Variants in KRT83 observed in about 807,000 individuals in gnomAD.
The protein encoded by KRT83 is keratin, type II cuticular Hb3.
Under a neutral mutation model 52.9 loss-of-function variants are expected in KRT83, and 51 were observed. The ratio of observed to expected loss-of-function variants is 0.96; its 90% CI spans 0.77 to 1.22. The LOEUF (loss-of-function observed/expected upper bound fraction) is 1.22. Among genes scored for constraint, KRT83 ranks in the 50% most tolerant of loss-of-function variants. The probability of loss-of-function intolerance (pLI) is 0.00; values close to 1 mark genes in which losing one functional copy is unlikely to be tolerated. For missense variants in KRT83, 654 were observed against 666.5 expected (o/e 0.98, Z 0.21); for synonymous variants, 278 against 274.1 (o/e 1.01, Z -0.14).
chr12:52,319,494 T>A (rs1938739452), intron 1 of KRT83, 130 bp from the exon 2 acceptor site: 3 of 1,337,362 alleles, frequency 2.2e-6, no homozygotes, highest in Non-Finnish European at 3.1e-6. Flanking sequence ...CGTTATGTCA[T>A]CTCTCTCAAA....
At chr12:52,318,083 C>A in intron 2 of KRT83, 113 bp from the exon 3 acceptor site, 2 of 968,508 alleles carry the variant, frequency 2.1e-6, no homozygotes, top group Non-Finnish European at 3.3e-6. Flanking sequence ...CTCCTGCCCC[C>A]AAGTGAAATG....
Position 52,321,285 on chromosome 12 carries a change from GAA to G in KRT83, c.49_50del (p.Phe17GlnfsTer138). Reference sequence around the variant, plus strand: ...GGGGCCCGCAGGCAGAGACACAGCTGAAGTTTCCAGGGCGGAACCCACAGCCT... The same window carrying G: ...GGGGCCCGCAGGCAGAGACACAGCTGGTTTCCAGGGCGGAACCCACAGCCT... ...SIGCGFRPGN[F>X]SCVSACGPRP... On this transcript the variant is annotated frameshift_variant, in exon 1 of 9. Coordinates refer to ENST00000293670, the MANE Select transcript of KRT83 (RefSeq NM_002282.3). LOFTEE classifies it high-confidence loss of function. 6.2e-7 allele frequency: 1 copy of G among 1,613,632 alleles called. No individual in the cohort carries two copies. The highest frequency in any genetic ancestry group is 8.5e-7 in the Non-Finnish European group (1 of 1,180,028).
chr12:52,317,675 C>T lies in KRT83; in HGVS notation c.750+6G>A. On this transcript the variant is annotated splice_donor_region_variant and intron_variant, in intron 4 of 8. Coordinates refer to ENST00000293670, the MANE Select transcript of KRT83 (RefSeq NM_002282.3). ...TCTGTGCCCACCATGGTTGAGAGCCCCTCACCTCCTCGTACAGCCGCCTCA... is the reference window on the plus strand; with the variant it reads ...TCTGTGCCCACCATGGTTGAGAGCCTCTCACCTCCTCGTACAGCCGCCTCA... The T allele has an allele frequency of 6.2e-7, 1 of 1,612,020 alleles. No homozygotes were observed. Among genetic ancestry groups the T allele is most frequent in the Non-Finnish European group, 8.5e-7 (1 of 1,179,802 alleles).
Position 52,321,013 on chromosome 12 carries a change from T to C in KRT83, c.323A>G (p.Lys108Arg), listed in dbSNP as rs763451943. ...LEIDPNAQCV[K>R]QEEKEQIKSL... ...CTTGATCTGCTCCTTCTCCTCCTGC[T>C]TCACGCACTGCGCGTTGGGGTCTAT... Residue 108 changes from lysine (K) to arginine (R), a missense_variant, in exon 1 of 9, where the codon AAG becomes AGG. Coordinates refer to ENST00000293670, the MANE Select transcript of KRT83 (RefSeq NM_002282.3). The C allele has an allele frequency of 6.2e-7, 1 of 1,613,484 alleles. No individual in the cohort carries two copies. The highest frequency in any genetic ancestry group is 8.5e-7 in the Non-Finnish European group (1 of 1,179,870).
intron 1 of KRT83, 65 bp downstream of exon 1, chr12:52,320,887 T>C (rs542814857): frequency 6.2e-7 from 1 of 1,613,368 alleles, no homozygotes; most frequent in East Asian, 2.2e-5. Flanking sequence ...TCCCTGTCAG[T>C]GCCCAGCCTG....
Position 52,314,804 on chromosome 12 carries a change from G to A in KRT83, c.1309C>T (p.Arg437Trp), listed in dbSNP as rs750982143. 2.7e-5 allele frequency: 43 copies of A among 1,605,542 alleles called. No homozygotes were observed. In the East Asian group the frequency reaches 2.9e-4, roughly 11 times the overall value. ...EAVNVCVSSS[R>W]GGVVCGDLCV... The stretch of plus-strand genomic sequence containing the variant: ...AGATCCCCGCACACAACCCCACCCC[G>A]GGAGCTGCTGACACCTGTGGGAACA... The change falls in exon 9 of 9, where the codon CGG becomes TGG. Residue 437 changes from arginine to tryptophan, a missense_variant. By Grantham distance (101) the Arg-to-Trp change is moderately radical. Transcript: ENST00000293670.
chr12:52,319,732 CCACACTGAACAGCTACTGCTGTTCAAT>C (rs1938742550), intron 1 of KRT83, among the ~76,000 whole-genome samples: 1 of 152,146 alleles, frequency 6.6e-6, no homozygotes, highest in South Asian at 2.1e-4. Context: ...GAAAGGCACC[CCACACTGAACAGCTACTGCTGTTCAAT>C]CACACCAAGC....
chr12:52,315,098 T>A (rs1938665826), intron 8 of KRT83, among the ~76,000 whole-genome samples: 1 of 152,178 alleles, frequency 6.6e-6, no homozygotes, highest in African/African-American at 2.4e-5. Flanking sequence ...CTTCTTGCAA[T>A]GACATCTTAT....
At chr12:52,317,336 T>G (rs1467975051) in intron 4 of KRT83, among the ~76,000 whole-genome samples, 13 of 152,180 alleles carry the variant, frequency 8.5e-5, no homozygotes, top group African/African-American at 3.1e-4. Flanking sequence ...AGGAAGGCTA[T>G]TGCTGCCAGA....
rs1350993256 is a variant in KRT83, at chr12:52,316,985, G to A, written c.789C>T (p.Ser263=). Residue 263 remains serine (S), a synonymous_variant, in exon 5 of 9, where the codon TCC becomes TCT. Transcript: ENST00000293670. ...RILQSHISDT[S]VVVKLDNSRD... is the part of the protein sequence containing the mutation. ...GGCTGTTGTCCAGCTTGACAACCAC[G>A]GAGGTGTCTGAGATGTGGGATTGGA... 8 of 1,614,086 alleles carry A rather than the reference G, an allele frequency of 5.0e-6. No homozygotes were observed. The highest frequency in any genetic ancestry group is 2.2e-5 in the East Asian group (1 of 44,890).
intron 4 of KRT83, 25 bp from the exon 5 acceptor site, chr12:52,317,048 A>T: frequency 6.2e-7 from 1 of 1,614,184 alleles, no homozygotes; most frequent in Non-Finnish European, 8.5e-7. Flanking sequence ...GAAAGGAAGG[A>T]CAACTCACTT....
At chr12:52,315,237 C>T (rs2121337125) in intron 8 of KRT83, 75 bp downstream of exon 8, 3 of 1,442,122 alleles carry the variant, frequency 2.1e-6, no homozygotes. Flanking sequence ...CTCCCAAAGT[C>T]TCTGCATATA....
intron 8 of KRT83, 65 bp downstream of exon 8, chr12:52,315,247 A>G: frequency 1.3e-6 from 2 of 1,489,612 alleles, no homozygotes; most frequent in East Asian, 2.3e-5. Context: ...CTCTGCATAT[A>G]TTCATAGTCA....
chr12:52,315,187 C>A (rs1938667067), intron 8 of KRT83, 125 bp downstream of exon 8: 4 of 1,047,824 alleles, frequency 3.8e-6, no homozygotes, highest in East Asian at 2.4e-5. Context: ...GCTGCATGAC[C>A]AACCTATCCT....
chr12:52,320,468 C>A (rs929188673), intron 1 of KRT83, among the ~76,000 whole-genome samples: 3 of 152,162 alleles, frequency 2.0e-5, no homozygotes, highest in Non-Finnish European at 2.9e-5. Context: ...GGATCCTGAG[C>A]CCCAGGAACA....
chr12:52,317,892 C>T lies in KRT83; in HGVS notation c.654+18G>A. On this transcript the variant is annotated intron_variant, in intron 3 of 8. Transcript: ENST00000293670. Reference sequence around the variant, plus strand: ...GCGGGACTCAGGGCGGGCTCAGGGCCAGCTGGGCTTCACTCACCTTCTTTA... The same window carrying T: ...GCGGGACTCAGGGCGGGCTCAGGGCTAGCTGGGCTTCACTCACCTTCTTTA... 1 of 1,613,988 alleles carries T rather than the reference C, an allele frequency of 6.2e-7. No individual in the cohort carries two copies. The highest frequency in any genetic ancestry group is 8.5e-7 in the Non-Finnish European group (1 of 1,179,876).
In KRT83 at chr12:52,321,114, G is replaced by A. The variant is rs138833898; in HGVS notation, c.222C>T (p.Gly74=). 6.5e-4 allele frequency: 1,050 copies of A among 1,612,310 alleles called. 8 individuals are homozygous for A. In the African/African-American group the frequency reaches 0.012, roughly 18 times the overall value. The change falls in exon 1 of 9, where the codon GGC becomes GGT. Residue 74 remains glycine (G), a synonymous_variant. Transcript: ENST00000293670. The stretch of plus-strand genomic sequence containing the variant: ...TGCATGGGGGGCTGGGTCCGCACAC[G>A]CCCCCGGAGCGGTAGCCGAAGCTGC... The part of the protein sequence containing the change: ...CGRSFGYRSG[G]VCGPSPPCIT...
intron 5 of KRT83, 48 bp from the exon 6 acceptor site, chr12:52,316,641 T>A (rs1938692626): frequency 6.2e-7 from 1 of 1,613,956 alleles, no homozygotes; most frequent in Non-Finnish European, 8.5e-7. Flanking sequence ...GACATCCCAT[T>A]CATTCAGGAC....
At chr12:52,316,233 C>G (rs1938684102) in intron 6 of KRT83, 120 bp from the exon 7 acceptor site, 3 of 1,330,404 alleles carry the variant, frequency 2.3e-6, no homozygotes, top group Admixed American at 4.1e-5. Flanking sequence ...AATCAGCTTC[C>G]TAACCTTCCT....
Sources: allele counts gnomAD v4.1 joint callset (sites outside exome capture counted in the v4.1 genomes callset), GRCh38; gene constraint gnomAD v4.1.1; transcripts MANE v1.5; gene names NCBI Gene and HGNC (gene_info 2026-07-23, HGNC 2026-07-21).